Variants in TAFA1 observed in about 807,000 individuals in gnomAD.
The protein encoded by TAFA1 is chemokine-like protein TAFA-1.
In TAFA1, 4 loss-of-function variants were observed where a neutral mutation model predicts 18.5. That is an observed-to-expected ratio of 0.22 (90% CI 0.11 to 0.49). The LOEUF (loss-of-function observed/expected upper bound fraction) is 0.49. Ranked by LOEUF, TAFA1 falls within the 20% of genes least tolerant of loss-of-function variation. The pLI is 0.98. For missense variants in TAFA1, 147 were observed against 169.0 expected (o/e 0.87, Z 0.72); for synonymous variants, 56 against 55.2 (o/e 1.01, Z -0.06).
chr3:68,191,000 C>T (rs966237399), intron 2 of TAFA1, among the ~76,000 whole-genome samples: 1 of 151,646 alleles, frequency 6.6e-6, no homozygotes, highest in Non-Finnish European at 1.5e-5. Flanking sequence ...TTTTAAAAAC[C>T]TTAAGACTCA....
intron 2 of TAFA1, among the ~76,000 whole-genome samples, chr3:68,106,592 A>C (rs1446425517): frequency 6.6e-6 from 1 of 152,158 alleles, no homozygotes; most frequent in Non-Finnish European, 1.5e-5. Context: ...AAGGTAAATT[A>C]AGCTTTATGA....
intron 2 of TAFA1, among the ~76,000 whole-genome samples, chr3:68,346,266 C>G (rs1276469464): frequency 6.6e-6 from 1 of 152,154 alleles, no homozygotes; most frequent in Non-Finnish European, 1.5e-5. Flanking sequence ...AGGTGATCCT[C>G]CCACCTCAGC....
intron 2 of TAFA1, among the ~76,000 whole-genome samples, chr3:68,034,666 G>A (rs1705007772): frequency 6.6e-6 from 1 of 152,116 alleles, no homozygotes; most frequent in Non-Finnish European, 1.5e-5. Flanking sequence ...GCCCTTTCAT[G>A]TCCTTGCTTG....
intron 2 of TAFA1, among the ~76,000 whole-genome samples, chr3:68,079,029 T>C (rs2064862290): frequency 1.3e-5 from 2 of 152,214 alleles, no homozygotes; most frequent in Admixed American, 6.5e-5. Flanking sequence ...TTCTTCCTGG[T>C]TTAGTCTTGG....
rs146013668 is a variant in TAFA1, at chr3:68,514,322, T to G, written c.260-24434T>G. On this transcript the variant is annotated intron_variant, in intron 3 of 4. Transcript: ENST00000478136. ...TTTAAATGTGGTCCTTAAGCTTATC[T>G]TGTTCTTTTTGCATACCTCCAACTT... Among the ~76,000 whole-genome samples, 788 of 152,314 alleles carry G rather than the reference T, an allele frequency of 5.2e-3. 11 individuals carry two copies. Among genetic ancestry groups the G allele is most frequent in the African/African-American group, 0.018 (751 of 41,574 alleles).
At chr3:68,542,634 G>A (rs1167704022) in intron 4 of TAFA1, among the ~76,000 whole-genome samples, 1 of 152,072 alleles carries the variant, frequency 6.6e-6, no homozygotes, top group Non-Finnish European at 1.5e-5. Flanking sequence ...GGTTATGAAT[G>A]CATGACCTAG....
At position 68,152,235 on chromosome 3, in the gene TAFA1, G is replaced by C. The variant is rs184497065; in HGVS notation, c.118+145491G>C. On this transcript the variant is annotated intron_variant, in intron 2 of 4. Coordinates refer to ENST00000478136, the MANE Select transcript of TAFA1 (RefSeq NM_213609.4). The stretch of plus-strand genomic sequence containing the variant: ...TACCTGCATCAGAATCACCTAGGCT[G>C]TTTGTTGAGAATGCTGGTTTGTGGA... Among the ~76,000 whole-genome samples the C allele has an allele frequency of 2.5e-3, 375 of 152,254 alleles. 1 individual carries two copies. Among genetic ancestry groups the C allele is most frequent in the Non-Finnish European group, 4.1e-3 (280 of 68,016 alleles).
chr3:68,091,045 A>T (rs555244945), intron 2 of TAFA1, among the ~76,000 whole-genome samples: 8 of 152,330 alleles, frequency 5.3e-5, no homozygotes, highest in Admixed American at 3.9e-4. Flanking sequence ...CTGCTTCAGA[A>T]TAGCTTTCTT....
At chr3:68,438,162 C>T (rs777738234) in intron 3 of TAFA1, among the ~76,000 whole-genome samples, 3 of 151,914 alleles carry the variant, frequency 2.0e-5, no homozygotes, top group Non-Finnish European at 4.4e-5. Flanking sequence ...AGTTTGAGAC[C>T]AGCCTGAGCA....
At position 68,321,659 on chromosome 3, in the gene TAFA1, A is replaced by C. The variant is rs116782417; in HGVS notation, c.119-95621A>C. On this transcript the variant is annotated intron_variant, in intron 2 of 4. Transcript: ENST00000478136. ...TTTGGCTAACAGGAAGCCATCATTG[A>C]TCTCCCATTCTCTTTTCCTGACCAT... Among the ~76,000 whole-genome samples the C allele has an allele frequency of 9.9e-3, 1,513 of 152,168 alleles. 38 individuals are homozygous for C. The highest frequency in any genetic ancestry group is 0.034 in the African/African-American group (1,406 of 41,492).
In TAFA1 at chr3:68,175,186, C is replaced by G. The variant is rs967794588; in HGVS notation, c.118+168442C>G. ...TCCAGGCAGAAGTTTGCTGCAGGCG[C>G]AGGGCCCTCATGCAGAACCTCTGCT... On this transcript the variant is annotated intron_variant, in intron 2 of 4. Transcript: ENST00000478136. 4.6e-5 allele frequency among the ~76,000 whole-genome samples: 7 copies of G among 152,204 alleles called. No homozygotes were observed. The South Asian group carries it at 1.4e-3, about 32-fold the overall frequency.
intron 2 of TAFA1, among the ~76,000 whole-genome samples, chr3:68,093,400 G>C (rs1387771408): frequency 6.6e-6 from 1 of 152,000 alleles, no homozygotes; most frequent in Non-Finnish European, 1.5e-5. Flanking sequence ...CCTTATTTCA[G>C]CTCTGAGGAA....
intron 3 of TAFA1, among the ~76,000 whole-genome samples, chr3:68,424,687 T>G (rs900255612): frequency 1.4e-5 from 2 of 147,098 alleles, no homozygotes; most frequent in Non-Finnish European, 3.0e-5. Context: ...AGCAACAGTT[T>G]TTCATAGGAT....
chr3:68,261,117 C>T (rs2067411968), intron 2 of TAFA1, among the ~76,000 whole-genome samples: 2 of 151,834 alleles, frequency 1.3e-5, no homozygotes, highest in African/African-American at 4.8e-5. Context: ...TATGAACAGA[C>T]ACTTCTCAAA....
chr3:68,299,905 G>A (rs1283152384), intron 2 of TAFA1, among the ~76,000 whole-genome samples: 1 of 152,230 alleles, frequency 6.6e-6, no homozygotes, highest in Non-Finnish European at 1.5e-5. Context: ...GGAAACCTCT[G>A]CCTAGATTTC....
chr3:68,363,967 T>G (rs1422533947), intron 2 of TAFA1, among the ~76,000 whole-genome samples: 1 of 152,184 alleles, frequency 6.6e-6, no homozygotes, highest in East Asian at 1.9e-4. Flanking sequence ...TGAAAAACTG[T>G]TTCCAGCTGA....
intron 2 of TAFA1, among the ~76,000 whole-genome samples, chr3:68,396,902 A>G (rs1575832511): frequency 6.6e-6 from 1 of 152,194 alleles, no homozygotes; most frequent in Non-Finnish European, 1.5e-5. Flanking sequence ...TTTAAGGTCC[A>G]CTATGAATTT....
At chr3:68,029,368 T>C (rs998192466) in intron 2 of TAFA1, among the ~76,000 whole-genome samples, 3 of 152,200 alleles carry the variant, frequency 2.0e-5, no homozygotes, top group Non-Finnish European at 4.4e-5. Flanking sequence ...CACATCTCAA[T>C]TCAGATGCTC....
chr3:68,396,976 AC>A (rs2070393594), intron 2 of TAFA1, among the ~76,000 whole-genome samples: 1 of 151,898 alleles, frequency 6.6e-6, no homozygotes, highest in Non-Finnish European at 1.5e-5. Context: ...CTTCATTTTG[AC>A]CCCAGCACTC....
Sources: gnomAD v4.1 joint callset for allele counts (sites outside exome capture counted in the v4.1 genomes callset) on GRCh38, gnomAD v4.1.1 for gene constraint, MANE v1.5 for transcripts, NCBI Gene and HGNC (gene_info 2026-07-23, HGNC 2026-07-21) for gene names.